Variants in ZNF319 observed in about 807,000 individuals in gnomAD.
The protein encoded by ZNF319 is zinc finger protein 319.
A neutral mutation model predicts 46.0 loss-of-function variants in ZNF319; 15 were observed. The observed-to-expected ratio is 0.33, with a 90% CI of 0.22 to 0.50. The LOEUF is 0.50. ZNF319 is among the 20% of genes least tolerant of loss of function. ZNF319 has a pLI of 0.98. For synonymous variants in ZNF319, 368 were observed against 364.0 expected (o/e 1.01, Z -0.13); for missense variants, 635 against 807.0 (o/e 0.79, Z 2.58).
In ZNF319 at chr16:57,997,327, C is replaced by T. The variant is rs200837881; in HGVS notation, c.939G>A (p.Arg313=). The change falls in exon 2 of 2, where the codon CGG becomes CGA. Residue 313 remains arginine, a synonymous_variant. Transcript: ENST00000299237. The stretch of plus-strand genomic sequence containing the variant: ...TCTGGCACTCGCCGCAGCGGAAGGG[C>T]CGCTCCCCACTTGGCGTGCACGGGT... ...LQHPCTPSGE[R]PFRCGECQKA... 2.2e-4 allele frequency: 352 copies of T among 1,611,274 alleles called. 1 individual carries two copies. The East Asian group carries it at 5.8e-3, about 27-fold the overall frequency.
chr16:57,996,554 G>C lies in ZNF319; in HGVS notation c.1712C>G (p.Ala571Gly). 1 of 1,561,546 alleles carries C rather than the reference G, an allele frequency of 6.4e-7. No individual in the cohort carries two copies. The highest frequency in any genetic ancestry group is 1.4e-5 in the African/African-American group (1 of 74,002). The change falls in exon 2 of 2, where the codon GCG (alanine) becomes GGG (glycine). Residue 571 changes from alanine to glycine, a missense_variant. This residue lies in a region of ZNF319 where 270 missense variants were observed against 281.4 expected (regional missense o/e 0.96). Coordinates refer to ENST00000299237, the MANE Select transcript of ZNF319 (RefSeq NM_020807.3). ...SAQHSAAAAAAEGAYQVAACL... is the reference protein window; with the variant it reads ...SAQHSAAAAAGEGAYQVAACL... ...GGCGGCTACCTGGTAGGCGCCCTCC[G>C]CTGCCGCGGCGGCGGCACTGTGCTG...
Position 57,996,975 on chromosome 16 carries a change from G to A in ZNF319, c.1291C>T (p.Pro431Ser). The A allele has an allele frequency of 6.2e-7, 1 of 1,603,956 alleles. No homozygotes were observed. The highest frequency in any genetic ancestry group is 2.2e-5 in the East Asian group (1 of 44,834). ...CGCTTGTAGGCCTTGTTGCACACAG[G>A]GCACTTGAAGGGCCGCTCGGCCGCG... ...PGAAERPFKC[P>S]VCNKAYKRAS... Residue 431 changes from proline to serine, a missense_variant, in exon 2 of 2, where the codon CCT becomes TCT. Physicochemically the swap from Pro to Ser is moderately conservative, Grantham distance 74. Around this residue, in one of 3 missense-constraint regions of ZNF319, gnomAD observed 270 missense variants for 281.4 expected, o/e 0.96. Transcript: ENST00000299237.
chr16:57,998,067 G>T lies in ZNF319; in HGVS notation c.199C>A (p.Pro67Thr), dbSNP rs1170933421. The T allele has an allele frequency of 2.5e-6, 4 of 1,609,836 alleles. No homozygotes were observed. The highest frequency in any genetic ancestry group is 2.2e-5 in the South Asian group (2 of 91,070). Residue 67 changes from proline to threonine, a missense_variant, in exon 2 of 2, where the codon CCC (proline) becomes ACC (threonine). Coordinates refer to ENST00000299237, the MANE Select transcript of ZNF319 (RefSeq NM_020807.3). ...CCTGGCTCTCCTGCTGCCTGCAGGG[G>T]TGCGTGTTGTGGGGGCTGCAGGCCG... The part of the protein sequence containing the change: ...DPGLQPPQHA[P>T]LQAAGEPGPK...
Position 57,997,663 on chromosome 16 carries a change from G to C in ZNF319, c.603C>G (p.Pro201=). The C allele has an allele frequency of 6.2e-7, 1 of 1,614,032 alleles. No homozygotes were observed. Among genetic ancestry groups the C allele is most frequent in the Non-Finnish European group, 8.5e-7 (1 of 1,180,048 alleles). ...GCTTTTGGCAGATGGGGCAGCTGTA[G>C]GGCTTGTCGGCCTGTTCAGCAGGGG... The part of the protein sequence containing the change: ...TVTPAEQADK[P]YSCPICQKPF... Residue 201 remains proline, a synonymous_variant, in exon 2 of 2, where the codon CCC becomes CCG. Transcript: ENST00000299237.
rs963761035 is a variant in ZNF319, at chr16:57,998,450, A to G, written c.-185T>C. 2 of 931,504 alleles carry G rather than the reference A, an allele frequency of 2.1e-6. No individual in the cohort carries two copies. The highest frequency in any genetic ancestry group is 1.7e-5 in the African/African-American group (1 of 60,184). The allele number at this position is 931,504 out of a possible 1,614,324, so 57.7% of individuals were successfully genotyped here. On this transcript the variant is annotated 5_prime_UTR_variant, in exon 2 of 2. Coordinates refer to ENST00000299237, the MANE Select transcript of ZNF319 (RefSeq NM_020807.3). ...GCGGACAGACTACAAGGCTCTGCCT[A>G]CAGGACATGGGGGCTCTTCAAGGGA...
At position 57,998,410 on chromosome 16, in the gene ZNF319, C is replaced by G. The variant is rs927991913; in HGVS notation, c.-145G>C. 3 of 1,360,058 alleles carry G rather than the reference C, an allele frequency of 2.2e-6. No individual in the cohort carries two copies. Among genetic ancestry groups the G allele is most frequent in the Non-Finnish European group, 3.0e-6 (3 of 1,013,132 alleles). 84.2% of individuals were successfully genotyped at this position (1,360,058 alleles called of 1,614,324 possible). ...CAGAAGAGGGGCTGGTCAGACAGCCCGAGTCAGTAACCAAGCGGACAGACT... is the reference window on the plus strand; with the variant it reads ...CAGAAGAGGGGCTGGTCAGACAGCCGGAGTCAGTAACCAAGCGGACAGACT... On this transcript the variant is annotated 5_prime_UTR_variant, in exon 2 of 2. Coordinates refer to ENST00000299237, the MANE Select transcript of ZNF319 (RefSeq NM_020807.3).
At position 57,996,162 on chromosome 16, in the gene ZNF319, A is replaced by C; in HGVS notation, c.*355T>G. 3.4e-6 allele frequency: 1 copy of C among 292,136 alleles called. No individual in the cohort carries two copies. Among genetic ancestry groups the C allele is most frequent in the Non-Finnish European group, 6.4e-6 (1 of 155,698 alleles). 18.1% of individuals were successfully genotyped at this position (292,136 alleles called of 1,614,324 possible). On this transcript the variant is annotated 3_prime_UTR_variant, in exon 2 of 2. Coordinates refer to ENST00000299237, the MANE Select transcript of ZNF319 (RefSeq NM_020807.3). ...GATATGGGAAGGTTGGGCTGGCATC[A>C]CACCCTCCTTAGGGCAGGGAGAAGC... is the stretch of plus-strand genomic sequence containing the variant.
intron 1 of ZNF319, among the ~76,000 whole-genome samples, chr16:57,999,051 AT>A (rs1963091130): frequency 6.6e-6 from 1 of 152,138 alleles, no homozygotes; most frequent in African/African-American, 2.4e-5. Context: ...ACTCTCACCT[AT>A]GAGGGACTGA....
rs1963023714 is a variant in ZNF319 at position 57,996,766 on chromosome 16, G to A, written c.1500C>T (p.Asp500=). 1.9e-6 allele frequency: 3 copies of A among 1,611,430 alleles called. No individual in the cohort carries two copies. The highest frequency in any genetic ancestry group is 2.5e-6 in the Non-Finnish European group (3 of 1,178,838). Residue 500 remains aspartate, a synonymous_variant, in exon 2 of 2, where the codon GAC becomes GAT. Coordinates refer to ENST00000299237, the MANE Select transcript of ZNF319 (RefSeq NM_020807.3). ...DCEKRFKYAS[D]LQRHRRVHTG... is the part of the protein sequence containing the mutation. ...TGTGTACCCGCCGGTGCCGCTGCAG[G>A]TCTGACGCGTACTTGAAGCGTTTCT...
chr16:57,998,037 T>G lies in ZNF319; in HGVS notation c.229A>C (p.Lys77Gln), dbSNP rs769155352. 3 of 1,611,188 alleles carry G rather than the reference T, an allele frequency of 1.9e-6. No individual in the cohort carries two copies. Among genetic ancestry groups the G allele is most frequent in the Non-Finnish European group, 1.7e-6 (2 of 1,180,002 alleles). Reference protein sequence around the residue: ...PLQAAGEPGPKCGVCGHDLAH... With the variant: ...PLQAAGEPGPQCGVCGHDLAH... ...AGGTCGTGACCACACACGCCACATT[T>G]GGGGCCTGGCTCTCCTGCTGCCTGC... Residue 77 changes from lysine to glutamine, a missense_variant, in exon 2 of 2, where the codon AAA becomes CAA. Lys to Gln is a moderately conservative substitution (Grantham distance 53). Around this residue, in one of 3 missense-constraint regions of ZNF319, gnomAD observed 227 missense variants for 277.5 expected, o/e 0.82. Coordinates refer to ENST00000299237, the MANE Select transcript of ZNF319 (RefSeq NM_020807.3).
rs373757290 is a variant in ZNF319, at chr16:57,996,631, T to C, written c.1635A>G (p.Val545=). ...CGTCTAGGAAGCGCTCCCCGCACCA[T>C]ACACACTTGAACTGCTGCTCGCGGG... ...VHAREQQFKC[V]WCGERFLDVA... The change falls in exon 2 of 2, where the codon GTA becomes GTG. Residue 545 remains valine, a synonymous_variant. Transcript: ENST00000299237. 8.0e-5 allele frequency: 129 copies of C among 1,611,622 alleles called. No homozygotes were observed. The highest frequency in any genetic ancestry group is 4.9e-4 in the Middle Eastern group (3 of 6,062).
In ZNF319 at chr16:57,997,000, G is replaced by C. The variant is rs779680750; in HGVS notation, c.1266C>G (p.Gly422=). ...GGCACTTGAAGGGCCGCTCGGCCGC[G>C]CCGGGCAGGCACTTGTGCCGCAGCA... ...AELLRHKCLP[G]AAERPFKCPV... The change falls in exon 2 of 2, where the codon GGC becomes GGG. Residue 422 remains glycine (G), a synonymous_variant. Transcript: ENST00000299237. The C allele has an allele frequency of 5.0e-6, 8 of 1,607,396 alleles. No individual in the cohort carries two copies. Among genetic ancestry groups the C allele is most frequent in the Non-Finnish European group, 6.8e-6 (8 of 1,178,982 alleles).
rs763850689 is a variant in ZNF319, at chr16:57,997,560, C to T, written c.706G>A (p.Asp236Asn). 6.2e-7 allele frequency: 1 copy of T among 1,613,524 alleles called. No individual in the cohort carries two copies. The highest frequency in any genetic ancestry group is 8.5e-7 in the Non-Finnish European group (1 of 1,179,484). Residue 236 changes from aspartate (D) to asparagine (N), a missense_variant, in exon 2 of 2, where the codon GAC (aspartate) becomes AAC (asparagine). Physicochemically the swap from Asp to Asn is conservative, Grantham distance 23 (BLOSUM62 1). Coordinates refer to ENST00000299237, the MANE Select transcript of ZNF319 (RefSeq NM_020807.3). ...GEKPYKCTLC[D>N]KSFSQSSHLV... ...TGCGACGACTGGCTGAAGCTTTTGT[C>T]ACACAGCGTGCACTTGTAGGGCTTC...
At chr16:57,999,445 AT>A (rs1963104524) in intron 1 of ZNF319, 47 bp downstream of exon 1, 1 of 152,224 alleles carries the variant, frequency 6.6e-6, no homozygotes, top group Non-Finnish European at 1.5e-5. Flanking sequence ...GTTCTGGGTA[AT>A]TGTTGGAAGG....
At chr16:57,998,739 C>T (rs2142283175) in intron 1 of ZNF319, among the ~76,000 whole-genome samples, 1 of 152,258 alleles carries the variant, frequency 6.6e-6, no homozygotes, top group Non-Finnish European at 1.5e-5. Flanking sequence ...GCGGCCTCCA[C>T]CCCCACCCAC....
chr16:57,996,714 T>G lies in ZNF319; in HGVS notation c.1552A>C (p.Asn518His). The G allele has an allele frequency of 6.2e-7, 1 of 1,612,066 alleles. No individual in the cohort carries two copies. The change falls in exon 2 of 2, where the codon AAC becomes CAC. Residue 518 changes from asparagine to histidine, a missense_variant. By Grantham distance (68) the Asn-to-His change is moderately conservative. This residue lies in a region of ZNF319 where 270 missense variants were observed against 281.4 expected (regional missense o/e 0.96). Coordinates refer to ENST00000299237, the MANE Select transcript of ZNF319 (RefSeq NM_020807.3). ...CGCTGCTTGAAGGCCTTGTCGCAGTTGGGGCACTTGTAGGGCTTCTCGCCT... is the reference window on the plus strand; with the variant it reads ...CGCTGCTTGAAGGCCTTGTCGCAGTGGGGGCACTTGTAGGGCTTCTCGCCT... ...HTGEKPYKCP[N>H]CDKAFKQREH...
In ZNF319 at chr16:57,998,221, C is replaced by A; in HGVS notation, c.45G>T (p.Gln15His). ...WQQPPQTQPQ[Q>H]PQPPQPQHHA... ...GGTGCTGAGGCTGCGGTGGCTGTGG[C>A]TGCTGCGGCTGCGTCTGTGGCGGCT... The change falls in exon 2 of 2, where the codon CAG (glutamine) becomes CAT (histidine). Residue 15 changes from glutamine (Q) to histidine (H), a missense_variant. This residue lies in a region of ZNF319 where 227 missense variants were observed against 277.5 expected (regional missense o/e 0.82). Transcript: ENST00000299237. 1 of 1,531,900 alleles carries A rather than the reference C, an allele frequency of 6.5e-7. No individual in the cohort carries two copies. Among genetic ancestry groups the A allele is most frequent in the Non-Finnish European group, 8.8e-7 (1 of 1,139,278 alleles). The allele number at this position is 1,531,900 out of a possible 1,614,324, so 94.9% of individuals were successfully genotyped here.
Position 57,997,227 on chromosome 16 carries a change from G to A in ZNF319, c.1039C>T (p.Leu347=). The part of the protein sequence containing the change: ...HSAERPFKCD[L]CPMGFKQQYA... ...TGCTGCTTGAAGCCCATGGGGCACA[G>A]GTCGCACTTGAAGGGCCGCTCGGCG... The change falls in exon 2 of 2, where the codon CTG becomes TTG. Residue 347 remains leucine (L), a synonymous_variant. Transcript: ENST00000299237. 6.2e-7 allele frequency: 1 copy of A among 1,612,396 alleles called. No homozygotes were observed. Among genetic ancestry groups the A allele is most frequent in the Middle Eastern group, 1.7e-4 (1 of 6,058 alleles).
Position 57,996,871 on chromosome 16 carries a change from G to A in ZNF319, c.1395C>T (p.Arg465=). 6.2e-7 allele frequency: 1 copy of A among 1,603,398 alleles called. No homozygotes were observed. ...CGAACTCGGAAGAGGAGAAGAAGCGGCGTTCGCAAAGCGTGCAGCGCAGGG... is the reference window on the plus strand; with the variant it reads ...CGAACTCGGAAGAGGAGAAGAAGCGACGTTCGCAAAGCGTGCAGCGCAGGG... The part of the protein sequence containing the change: ...EKPLRCTLCE[R]RFFSSSEFVQ... The change falls in exon 2 of 2, where the codon CGC becomes CGT. Residue 465 remains arginine (R), a synonymous_variant. Coordinates refer to ENST00000299237, the MANE Select transcript of ZNF319 (RefSeq NM_020807.3).
Sources: gnomAD v4.1 joint callset for allele counts (sites outside exome capture counted in the v4.1 genomes callset) on GRCh38, gnomAD v4.1.1 for gene constraint, gnomAD v4.1.1 regional missense constraint, MANE v1.5 for transcripts, NCBI Gene and HGNC (gene_info 2026-07-23, HGNC 2026-07-21) for gene names.